Variants in CLSTN2 observed in about 807,000 individuals in gnomAD.
CLSTN2 encodes the protein calsyntenin 2, also known as calsyntenin-2.
In CLSTN2, 48 loss-of-function variants were observed where a neutral mutation model predicts 101.2. The ratio of observed to expected loss-of-function variants is 0.47; its 90% CI spans 0.38 to 0.60. The LOEUF is 0.60. CLSTN2 is among the 20% of genes least tolerant of loss of function. The pLI, the probability that CLSTN2 is intolerant of heterozygous loss-of-function variation, is 0.00. For synonymous variants in CLSTN2, 481 were observed against 463.6 expected, an observed-to-expected ratio of 1.04 and a Z score of -0.48; for missense variants, 1,160 against 1,238.2, an observed-to-expected ratio of 0.94 and a Z score of 0.95.
At chr3:140,551,974 A>T (rs1049131653) in intron 10 of CLSTN2, among the ~76,000 whole-genome samples, 8 of 152,076 alleles carry the variant, frequency 5.3e-5, no homozygotes, top group African/African-American at 2.4e-5. Context: ...GAAATGGTTC[A>T]GCTGAATCTG....
intron 5 of CLSTN2, among the ~76,000 whole-genome samples, chr3:140,421,698 A>C (rs2107991638): frequency 6.6e-6 from 1 of 152,334 alleles, no homozygotes; most frequent in Non-Finnish European, 1.5e-5. Context: ...GAATGCACAC[A>C]GGCAGAGGCG....
At chr3:140,021,456 A>G (rs2007314641) in intron 1 of CLSTN2, among the ~76,000 whole-genome samples, 1 of 152,094 alleles carries the variant, frequency 6.6e-6, no homozygotes, top group African/African-American at 2.4e-5. Flanking sequence ...GCATCATCCT[A>G]TGTTTAGCTC....
intron 4 of CLSTN2, among the ~76,000 whole-genome samples, chr3:140,418,413 A>G (rs1158592615): frequency 1.3e-5 from 2 of 152,150 alleles, no homozygotes; most frequent in African/African-American, 4.8e-5. Flanking sequence ...TTTGTTAACT[A>G]AATTCTATCT....
chr3:140,550,381 TAC>T (rs199932441), intron 10 of CLSTN2, among the ~76,000 whole-genome samples: 2,838 of 151,388 alleles, frequency 0.019, 29 homozygotes, highest in African/African-American at 0.066. Flanking sequence ...ATGGATTAGA[TAC>T]ACACACAGAG....
intron 8 of CLSTN2, among the ~76,000 whole-genome samples, chr3:140,528,354 GCA>G (rs754659125): frequency 1.5e-4 from 23 of 152,014 alleles, no homozygotes; most frequent in African/African-American, 5.3e-4. Flanking sequence ...CAGCCTTATT[GCA>G]CACTCTTCAC....
chr3:139,959,859 C>G (rs1166404179), intron 1 of CLSTN2, among the ~76,000 whole-genome samples: 2 of 152,172 alleles, frequency 1.3e-5, no homozygotes, highest in Non-Finnish European at 2.9e-5. Flanking sequence ...AAACCACATT[C>G]TTTGGATTAT....
intron 2 of CLSTN2, among the ~76,000 whole-genome samples, chr3:140,399,985 A>G (rs2088222472): frequency 6.6e-6 from 1 of 151,052 alleles, no homozygotes; most frequent in African/African-American, 2.4e-5. Flanking sequence ...AAAAGCAATG[A>G]GTCGTCTGAT....
intron 1 of CLSTN2, among the ~76,000 whole-genome samples, chr3:140,151,015 T>C (rs1316244770): frequency 6.6e-6 from 1 of 152,080 alleles, no homozygotes; most frequent in Non-Finnish European, 1.5e-5. Flanking sequence ...TGATGTTGGA[T>C]TGTGATCTTC....
chr3:139,962,051 A>G (rs2107814939), intron 1 of CLSTN2, among the ~76,000 whole-genome samples: 1 of 152,208 alleles, frequency 6.6e-6, no homozygotes, highest in East Asian at 1.9e-4. Flanking sequence ...TTTTTTGGTC[A>G]GATATATTAG....
chr3:140,187,736 G>A (rs1474390309), intron 2 of CLSTN2, among the ~76,000 whole-genome samples: 1 of 152,074 alleles, frequency 6.6e-6, no homozygotes, highest in Admixed American at 6.6e-5. Context: ...GGTTTCCACT[G>A]TGTCTGTCCA....
At chr3:140,537,702 T>C (rs574073940) in intron 9 of CLSTN2, among the ~76,000 whole-genome samples, 4 of 152,344 alleles carry the variant, frequency 2.6e-5, no homozygotes, top group Admixed American at 2.0e-4. Context: ...TAAAAGATCA[T>C]TTAAAAGACT....
At chr3:140,295,862 A>G (rs1457563016) in intron 2 of CLSTN2, among the ~76,000 whole-genome samples, 1 of 152,198 alleles carries the variant, frequency 6.6e-6, no homozygotes. Flanking sequence ...AGCTCCTTAG[A>G]TTACTCTTTA....
intron 2 of CLSTN2, among the ~76,000 whole-genome samples, chr3:140,368,211 A>G (rs955304265): frequency 1.3e-5 from 2 of 152,174 alleles, no homozygotes; most frequent in Admixed American, 6.5e-5. Flanking sequence ...TTAAAGGACT[A>G]GTGGCAAGTT....
At chr3:140,334,872 C>A (rs1371506353) in intron 2 of CLSTN2, among the ~76,000 whole-genome samples, 1 of 152,188 alleles carries the variant, frequency 6.6e-6, no homozygotes, top group Admixed American at 6.5e-5. Flanking sequence ...GAAGCTGACC[C>A]TGGAAATCAA....
chr3:140,491,907 A>T (rs1178003142), intron 8 of CLSTN2, among the ~76,000 whole-genome samples: 1 of 152,182 alleles, frequency 6.6e-6, no homozygotes, highest in Admixed American at 6.6e-5. Context: ...CATTTACTTA[A>T]CAAATACTTC....
At chr3:140,066,534 AT>A (rs907786272) in intron 1 of CLSTN2, among the ~76,000 whole-genome samples, 1 of 152,208 alleles carries the variant, frequency 6.6e-6, no homozygotes, top group African/African-American at 2.4e-5. Context: ...AAGGAAGAGG[AT>A]TAGGGCTGAA....
intron 1 of CLSTN2, among the ~76,000 whole-genome samples, chr3:140,027,739 G>A (rs767403835): frequency 7.9e-5 from 12 of 152,142 alleles, no homozygotes; most frequent in Admixed American, 1.3e-4. Context: ...AAAGGAAGCC[G>A]CCACAGCTGA....
chr3:140,151,383 A>G (rs1179555071), intron 1 of CLSTN2, among the ~76,000 whole-genome samples: 1 of 152,032 alleles, frequency 6.6e-6, no homozygotes, highest in African/African-American at 2.4e-5. Flanking sequence ...AGAGCAGGGA[A>G]TACCCATAAC....
chr3:140,322,610 C>G lies in CLSTN2; in HGVS notation c.233-81019C>G, dbSNP rs369503453. 5.6e-4 allele frequency among the ~76,000 whole-genome samples: 85 copies of G among 152,264 alleles called. No individual in the cohort carries two copies. The South Asian group carries it at 0.018, about 32-fold the overall frequency. ...CCATTTGCTTTTATTTCTGTTGAAC[C>G]TTAAAAACACATTAACAGAAAGATT... On this transcript the variant is annotated intron_variant, in intron 2 of 16. Transcript: ENST00000458420.
Sources: gnomAD v4.1 joint callset for allele counts (sites outside exome capture counted in the v4.1 genomes callset) on GRCh38, gnomAD v4.1.1 for gene constraint, MANE v1.5 for transcripts, NCBI Gene and HGNC (gene_info 2026-07-23, HGNC 2026-07-21) for gene names.